The following ENO4 variants were observed in gnomAD, a reference collection of about 807,000 sequenced individuals.
The protein encoded by ENO4 is enolase 4.
ENO4 carries 53 observed loss-of-function variants against 63.2 expected under a neutral mutation model. The observed-to-expected ratio is 0.84, with a 90% CI of 0.67 to 1.05. The LOEUF is 1.05. Ranked by LOEUF, ENO4 falls within the 50% of genes least tolerant of loss-of-function variation. The pLI is 0.00. For missense variants in ENO4, 719 were observed against 772.0 expected, an observed-to-expected ratio of 0.93 and a Z score of 0.81; for synonymous variants, 266 against 283.8, an observed-to-expected ratio of 0.94 and a Z score of 0.63.
Position 116,849,707 on chromosome 10 carries a change from G to C in ENO4, c.141G>C (p.Gln47His). 6.5e-7 allele frequency: 1 copy of C among 1,535,900 alleles called. No homozygotes were observed. The highest frequency in any genetic ancestry group is 8.8e-7 in the Non-Finnish European group (1 of 1,139,626). Residue 47 changes from glutamine (Q) to histidine (H), a missense_variant, in exon 1 of 14, where the codon CAG becomes CAC. Gln to His is a conservative substitution (Grantham distance 24). Transcript: ENST00000341276. ...TGCTCAACTCCACCTTCTACCTCCA[G>C]CCTGCCGACGTCTACGGGCACCTGG... ...EELLNSTFYL[Q>H]PADVYGHLAN...
intron 10 of ENO4, chr10:116,901,513 G>A: frequency 1.0e-6 from 1 of 985,290 alleles, no homozygotes; most frequent in Admixed American, 6.1e-5. Context: ...AATTATTTGT[G>A]TAGAAGAACC....
chr10:116,853,276 C>T (rs1004358318), intron 1 of ENO4, among the ~76,000 whole-genome samples: 15 of 116,336 alleles, frequency 1.3e-4, no homozygotes, highest in Non-Finnish European at 2.3e-4. Flanking sequence ...GCCTGGGTGA[C>T]AGAGTGAGAC....
chr10:116,860,651 G>A, intron 4 of ENO4, 143 bp from the exon 5 acceptor site: 1 of 538,922 alleles, frequency 1.9e-6, no homozygotes, highest in Non-Finnish European at 2.9e-6. Flanking sequence ...TTAAGCAAAA[G>A]CAAACAGAAA....
At chr10:116,911,372 T>C (rs941712974) in intron 10 of ENO4, 2 of 1,269,942 alleles carry the variant, frequency 1.6e-6, no homozygotes, top group Non-Finnish European at 1.1e-6. Flanking sequence ...GACCCTGATA[T>C]GAAGCTATTT....
chr10:116,882,969 TACACACAC>T (rs61072842), downstream of ENO4: 62 of 138,600 alleles, frequency 4.5e-4, no homozygotes, highest in African/African-American at 9.2e-4. Context: ...CTTTGAAAAA[TACACACAC>T]ACACACACAC....
chr10:116,865,708 G>C (rs914700934), intron 7 of ENO4, among the ~76,000 whole-genome samples: 1 of 152,130 alleles, frequency 6.6e-6, no homozygotes, highest in Non-Finnish European at 1.5e-5. Flanking sequence ...AGTTCTGACC[G>C]CATTTTGTAA....
chr10:116,873,098 T>C (rs998323579), intron 9 of ENO4, among the ~76,000 whole-genome samples: 6 of 152,236 alleles, frequency 3.9e-5, no homozygotes, highest in Non-Finnish European at 7.3e-5. Context: ...TAGCTTGATA[T>C]CAGATAATTC....
chr10:116,889,732 C>T (rs945111708), intron 10 of ENO4, among the ~76,000 whole-genome samples: 5 of 152,208 alleles, frequency 3.3e-5, no homozygotes, highest in African/African-American at 4.8e-5. Flanking sequence ...AAACAGGAGG[C>T]TACAGGCTAG....
intron 7 of ENO4, among the ~76,000 whole-genome samples, chr10:116,866,655 A>G (rs994611649): frequency 1.3e-5 from 2 of 152,094 alleles, no homozygotes; most frequent in Admixed American, 6.6e-5. Flanking sequence ...CTCCACAAAA[A>G]TTAGTCCAGT....
chr10:116,868,899 C>T (rs112460241), intron 8 of ENO4, among the ~76,000 whole-genome samples, 193 bp downstream of exon 8: 3 of 152,132 alleles, frequency 2.0e-5, no homozygotes, highest in African/African-American at 4.8e-5. Flanking sequence ...ACAGGCTGCC[C>T]GACCATCGCT....
At chr10:116,876,906 G>C (rs557051959) in intron 11 of ENO4, among the ~76,000 whole-genome samples, 1 of 152,032 alleles carries the variant, frequency 6.6e-6, no homozygotes, top group South Asian at 2.1e-4. Context: ...AGCCGAGATC[G>C]CGCCACTGCA....
At chr10:116,903,581 A>T (rs1411922230) in intron 10 of ENO4, among the ~76,000 whole-genome samples, 1 of 152,150 alleles carries the variant, frequency 6.6e-6, no homozygotes, top group Non-Finnish European at 1.5e-5. Context: ...TGTTGCATGG[A>T]GCTGTGGCAG....
intron 10 of ENO4, among the ~76,000 whole-genome samples, chr10:116,909,461 A>G (rs531291768): frequency 3.9e-4 from 60 of 152,172 alleles, no homozygotes; most frequent in Admixed American, 6.5e-4. Context: ...ATTTGCATCA[A>G]TCTATTCTTC....
intron 7 of ENO4, among the ~76,000 whole-genome samples, chr10:116,863,968 A>G (rs1421357041): frequency 1.3e-5 from 2 of 152,204 alleles, no homozygotes; most frequent in African/African-American, 4.8e-5. Flanking sequence ...GGCCAATTCC[A>G]TAGTCTCTCT....
At chr10:116,860,010 G>C (rs149910529) in intron 4 of ENO4, among the ~76,000 whole-genome samples, 54 of 152,314 alleles carry the variant, frequency 3.5e-4, no homozygotes, top group African/African-American at 1.1e-3. Context: ...AGACCAACAT[G>C]GATGTTCGTT....
Position 116,905,154 on chromosome 10 carries a change from A to G in ENO4, c.1195-6345A>G, listed in dbSNP as rs1312325623. ...GAAGCGGAGCTTGCAGTGAGCCGAG[A>G]TTGCGCCACTGCAGTCCGCAGTCCA... On this transcript the variant is annotated intron_variant, in intron 10 of 10. Coordinates refer to the ENO4 transcript ENST00000369207. Among the ~76,000 whole-genome samples the G allele has an allele frequency of 3.4e-5, 5 of 146,428 alleles. No individual in the cohort carries two copies. In the Admixed American group the frequency reaches 3.5e-4, roughly 10 times the overall value.
In ENO4 at chr10:116,882,483, T is replaced by C. The variant is rs79437189; in HGVS notation, c.*814T>C. On this transcript the variant is annotated 3_prime_UTR_variant, in exon 14 of 14. Transcript: ENST00000341276. ...CAGTGTTGGGATTATAGCAGAGGAG[T>C]AGCAGAAATAAATATATTCAGACAC... The C allele has an allele frequency of 6.6e-3, 992 of 150,492 alleles. 14 individuals are homozygous for C. Among genetic ancestry groups the C allele is most frequent in the African/African-American group, 0.023 (958 of 40,882 alleles). 9.3% of individuals were successfully genotyped at this position (150,492 alleles called of 1,614,324 possible).
At chr10:116,856,822 T>C (rs1846274500) in intron 3 of ENO4, 140 bp downstream of exon 3, 3 of 672,202 alleles carry the variant, frequency 4.5e-6, no homozygotes, top group African/African-American at 1.9e-5. Flanking sequence ...ACCCAGTCTC[T>C]ACTCAAAATA....
chr10:116,855,606 T>C lies in ENO4; in HGVS notation c.166-17T>C, dbSNP rs769392971. On this transcript the variant is annotated splice_polypyrimidine_tract_variant and intron_variant, in intron 1 of 13. Transcript: ENST00000341276. ...AACTTGAACCAGATGATTTTTGTTC[T>C]TTTGTGTGTGTTGAAGGCAAACTGC... The C allele has an allele frequency of 5.2e-6, 8 of 1,535,950 alleles. No homozygotes were observed. The highest frequency in any genetic ancestry group is 2.4e-5 in the East Asian group (1 of 40,924).
Sources: allele counts gnomAD v4.1 joint callset (sites outside exome capture counted in the v4.1 genomes callset), GRCh38; gene constraint gnomAD v4.1.1; transcripts MANE v1.5; gene names NCBI Gene and HGNC (gene_info 2026-07-23, HGNC 2026-07-21).